Variants in IFNGR1 observed in about 807,000 individuals in gnomAD.
IFNGR1 encodes interferon gamma receptor 1.
A neutral mutation model predicts 35.4 loss-of-function variants in IFNGR1; 23 were observed. The observed-to-expected ratio is 0.65, with a 90% CI of 0.47 to 0.92. The LOEUF (loss-of-function observed/expected upper bound fraction) is 0.92, where lower values mean the gene tolerates loss of function less well. Among genes scored for constraint, IFNGR1 ranks in the 40% least tolerant of loss-of-function variants. IFNGR1 has a pLI of 0.00. For missense variants in IFNGR1, 533 were observed against 583.4 expected (o/e 0.91, Z 0.89); for synonymous variants, 199 against 209.5 (o/e 0.95, Z 0.43).
At chr6:137,209,394 C>T (rs554276810) in intron 1 of IFNGR1, among the ~76,000 whole-genome samples, 12 of 152,146 alleles carry the variant, frequency 7.9e-5, no homozygotes, top group African/African-American at 1.7e-4. Context: ...GTGTCCCCAC[C>T]GAAATCTCAA....
chr6:137,204,774 A>G (rs1331116769), intron 3 of IFNGR1, among the ~76,000 whole-genome samples: 1 of 152,224 alleles, frequency 6.6e-6, no homozygotes, highest in Non-Finnish European at 1.5e-5. Context: ...TGTAAATAAA[A>G]ATAGTTATAA....
Position 137,200,760 on chromosome 6 carries a change from C to T in IFNGR1, c.861+121G>A. ...TGATTTTGCATGTGTGGTAGACTGA[C>T]TGATTGATGGCAGGTGACATCTTGT... is the stretch of plus-strand genomic sequence containing the variant. On this transcript the variant is annotated intron_variant, in intron 6 of 6. Transcript: ENST00000367739. 1.2e-5 allele frequency: 10 copies of T among 831,464 alleles called. No individual in the cohort carries two copies. In the South Asian group the frequency reaches 1.8e-4, roughly 15 times the overall value. 51.5% of individuals were successfully genotyped at this position (831,464 alleles called of 1,614,324 possible).
chr6:137,219,323 G>C lies in IFNGR1; in HGVS notation c.5C>G (p.Ala2Gly), dbSNP rs121913172. 13 of 1,607,166 alleles carry C rather than the reference G, an allele frequency of 8.1e-6. No individual in the cohort carries two copies. The East Asian group carries it at 2.9e-4, about 36-fold the overall frequency. ...GACAAGGGGTAGGAGAAAGAGGAGA[G>C]CCATGCTGCTACCGACGGTCGCTGG... M[A>G]LLFLLPLVMQ... The change falls in exon 1 of 7, where the codon GCT becomes GGT. Residue 2 changes from alanine to glycine, a missense_variant. Transcript: ENST00000367739.
chr6:137,198,499 C>A lies in IFNGR1; in HGVS notation c.1002G>T (p.Met334Ile). 6.2e-7 allele frequency: 1 copy of A among 1,614,104 alleles called. No homozygotes were observed. Among genetic ancestry groups the A allele is most frequent in the South Asian group, 1.1e-5 (1 of 91,082 alleles). Residue 334 changes from methionine (M) to isoleucine (I), a missense_variant, in exon 7 of 7, where the codon ATG (methionine) becomes ATT (isoleucine). Physicochemically the swap from Met to Ile is conservative, Grantham distance 10. Transcript: ENST00000367739. Reference sequence around the variant, plus strand: ...CTTTTCCTGGATTGTCTTCGGTATGCATGCCTGGAACTGTTGCTGGAGACA... The same window carrying A: ...CTTTTCCTGGATTGTCTTCGGTATGAATGCCTGGAACTGTTGCTGGAGACA... ...EPLSPATVPG[M>I]HTEDNPGKVE...
chr6:137,217,837 TCA>T (rs1317137041), intron 1 of IFNGR1, among the ~76,000 whole-genome samples: 1 of 152,252 alleles, frequency 6.6e-6, no homozygotes, highest in South Asian at 2.1e-4. Context: ...TTGTAAGCTC[TCA>T]CACACACTTT....
intron 1 of IFNGR1, among the ~76,000 whole-genome samples, chr6:137,207,992 T>C (rs983484893): frequency 1.1e-4 from 16 of 152,204 alleles, no homozygotes; most frequent in African/African-American, 3.9e-4. Flanking sequence ...GATAGCAATA[T>C]GGACAATAAA....
intron 1 of IFNGR1, among the ~76,000 whole-genome samples, chr6:137,214,800 G>A (rs546839162): frequency 3.3e-5 from 5 of 152,212 alleles, no homozygotes; most frequent in African/African-American, 4.8e-5. Flanking sequence ...TTGAGGAAAT[G>A]AAAAAACAAT....
chr6:137,215,444 C>T, intron 1 of IFNGR1: 2 of 988,258 alleles, frequency 2.0e-6, no homozygotes, highest in Non-Finnish European at 2.9e-6. Flanking sequence ...TAAACAGATA[C>T]CTAGTATTCT....
At chr6:137,219,166 G>A (rs1008041747) in intron 1 of IFNGR1, 77 bp downstream of exon 1, 134 of 1,531,382 alleles carry the variant, frequency 8.8e-5, no homozygotes, top group Non-Finnish European at 1.2e-4. Flanking sequence ...GAAGCGGGGC[G>A]GGGCTTCCCG....
chr6:137,201,170 A>C (rs1301065320), intron 5 of IFNGR1, among the ~76,000 whole-genome samples, 162 bp from the exon 6 acceptor site: 1 of 152,218 alleles, frequency 6.6e-6, no homozygotes, highest in East Asian at 1.9e-4. Flanking sequence ...CTGAGTAAAA[A>C]ATTAGGTATC....
intron 6 of IFNGR1, among the ~76,000 whole-genome samples, chr6:137,199,253 T>C (rs1779178357): frequency 7.2e-6 from 1 of 139,478 alleles, no homozygotes; most frequent in Admixed American, 8.1e-5. Context: ...TAATACTAAA[T>C]AATACTAAAT....
intron 1 of IFNGR1, chr6:137,209,870 C>T (rs1300655116): frequency 1.0e-5 from 4 of 398,534 alleles, no homozygotes; most frequent in Non-Finnish European, 1.8e-5. Context: ...AACAATGGAG[C>T]CACACATTCC....
chr6:137,207,066 T>C lies in IFNGR1; in HGVS notation c.97A>G (p.Thr33Ala). 1 of 1,613,968 alleles carries C rather than the reference T, an allele frequency of 6.2e-7. No homozygotes were observed. Among genetic ancestry groups the C allele is most frequent in the Non-Finnish European group, 8.5e-7 (1 of 1,179,868 alleles). ...TTATAGGATTCAATTGTAACATTAG[T>C]TGGTGTAGGCACTGTAAGAAAATAA... is the stretch of plus-strand genomic sequence containing the variant. Reference protein sequence around the residue: ...DLGPSSVPTPTNVTIESYNMN... With the variant: ...DLGPSSVPTPANVTIESYNMN... Residue 33 changes from threonine (T) to alanine (A), a missense_variant, in exon 2 of 7, where the codon ACT becomes GCT. By Grantham distance (58) the Thr-to-Ala change is moderately conservative (BLOSUM62 0). Coordinates refer to ENST00000367739, the MANE Select transcript of IFNGR1 (RefSeq NM_000416.3).
intron 1 of IFNGR1, chr6:137,210,008 C>A: frequency 2.5e-6 from 1 of 397,022 alleles, no homozygotes; most frequent in Non-Finnish European, 4.4e-6. Flanking sequence ...AGAGAACAGA[C>A]AGAAGTCATT....
chr6:137,198,362 G>A lies in IFNGR1; in HGVS notation c.1139C>T (p.Ser380Leu). Residue 380 changes from serine (S) to leucine (L), a missense_variant, in exon 7 of 7, where the codon TCA becomes TTA. Transcript: ENST00000367739. ...HLTPIERESS[S>L]PLSSNQSEPG... ...TTCAGACTGGTTACTACTTAAAGGT[G>A]AAGAACTCTCTCTCTCTATTGGAGT... The A allele has an allele frequency of 6.2e-7, 1 of 1,614,152 alleles. No individual in the cohort carries two copies. Among genetic ancestry groups the A allele is most frequent in the South Asian group, 1.1e-5 (1 of 91,084 alleles).
At chr6:137,202,247 C>T (rs1779294287) in intron 5 of IFNGR1, among the ~76,000 whole-genome samples, 2 of 152,218 alleles carry the variant, frequency 1.3e-5, no homozygotes, top group Admixed American at 1.3e-4. Flanking sequence ...GGCAAGCAGG[C>T]AGGGCTGCTG....
chr6:137,203,488 C>T lies in IFNGR1; in HGVS notation c.733+11G>A. ...CCCTCTATATTTAGAAAAAAAATGG[C>T]AAGAACTTACCTTTTATACTGCTAT... On this transcript the variant is annotated intron_variant, in intron 5 of 6. Coordinates refer to ENST00000367739, the MANE Select transcript of IFNGR1 (RefSeq NM_000416.3). 6.8e-7 allele frequency: 1 copy of T among 1,478,324 alleles called. No individual in the cohort carries two copies. The highest frequency in any genetic ancestry group is 9.5e-7 in the Non-Finnish European group (1 of 1,056,530). 91.6% of individuals were successfully genotyped at this position (1,478,324 alleles called of 1,614,324 possible).
intron 6 of IFNGR1, 121 bp from the exon 7 acceptor site, chr6:137,198,760 C>A: frequency 1.4e-6 from 1 of 724,648 alleles, no homozygotes; most frequent in South Asian, 1.7e-5. Context: ...ATGGGTGAAT[C>A]AGATGTTGCC....
chr6:137,207,033 G>T lies in IFNGR1; in HGVS notation c.130C>A (p.Pro44Thr). ...NVTIESYNMN[P>T]IVYWEYQIMP... ...ATCTGGTACTCCCAATATACGATAG[G>T]GTTCATGTTATAGGATTCAATTGTA... Residue 44 changes from proline (P) to threonine (T), a missense_variant, in exon 2 of 7, where the codon CCT becomes ACT. By Grantham distance (38) the Pro-to-Thr change is conservative. Coordinates refer to ENST00000367739, the MANE Select transcript of IFNGR1 (RefSeq NM_000416.3). 1 of 1,613,922 alleles carries T rather than the reference G, an allele frequency of 6.2e-7. No individual in the cohort carries two copies. The highest frequency in any genetic ancestry group is 8.5e-7 in the Non-Finnish European group (1 of 1,179,896).
Sources: allele counts gnomAD v4.1 joint callset (sites outside exome capture counted in the v4.1 genomes callset), GRCh38; gene constraint gnomAD v4.1.1; transcripts MANE v1.5; gene names NCBI Gene and HGNC (gene_info 2026-07-23, HGNC 2026-07-21).